Variants in PCDH15 observed in about 807,000 individuals in gnomAD.
The protein encoded by PCDH15 is protocadherin-15.
Under a neutral mutation model 178.5 loss-of-function variants are expected in PCDH15, and 129 were observed. The observed-to-expected ratio is 0.72, with a 90% CI of 0.63 to 0.84. The LOEUF (loss-of-function observed/expected upper bound fraction) is 0.84. Among genes scored for constraint, PCDH15 ranks in the 40% least tolerant of loss-of-function variants. The pLI is 0.00. For missense variants in PCDH15, 2,230 were observed against 2,099.9 expected, an observed-to-expected ratio of 1.06 and a Z score of -1.21; for synonymous variants, 800 against 732.0, an observed-to-expected ratio of 1.09 and a Z score of -1.50.
At chr10:54,864,976 T>C (rs139324784) in intron 3 of PCDH15, among the ~76,000 whole-genome samples, 77 of 152,266 alleles carry the variant, frequency 5.1e-4, no homozygotes, top group African/African-American at 1.8e-3. Flanking sequence ...ATAGAGATCA[T>C]AGGCAGCCAT....
intron 6 of PCDH15, among the ~76,000 whole-genome samples, chr10:54,337,904 T>G (rs1171751578): frequency 6.6e-6 from 1 of 152,346 alleles, no homozygotes; most frequent in Non-Finnish European, 1.5e-5. Flanking sequence ...CTGAAATGTG[T>G]CTTAGCTTGA....
At chr10:53,937,975 A>G (rs2085723157) in intron 25 of PCDH15, among the ~76,000 whole-genome samples, 1 of 152,164 alleles carries the variant, frequency 6.6e-6, no homozygotes, top group Non-Finnish European at 1.5e-5. Flanking sequence ...TAGTTAACTT[A>G]AACTGGATTA....
At chr10:54,147,832 T>C (rs1479346519) in intron 14 of PCDH15, among the ~76,000 whole-genome samples, 1 of 151,208 alleles carries the variant, frequency 6.6e-6, no homozygotes, top group East Asian at 2.1e-4. Flanking sequence ...CTACAAAGAT[T>C]ATAGATATGA....
At position 55,503,944 on chromosome 10, in the gene PCDH15, A is replaced by C. The variant is rs542092878; in HGVS notation, c.-156+123681T>G. 2.0e-5 allele frequency among the ~76,000 whole-genome samples: 3 copies of C among 151,496 alleles called. No individual in the cohort carries two copies. The East Asian group carries it at 5.8e-4, about 29-fold the overall frequency. Reference sequence around the variant, plus strand: ...CCAATCTGAGAAGGCTACATACTCTATGATTCCAACTGTGTGACTTCTAGA... The same window carrying C: ...CCAATCTGAGAAGGCTACATACTCTCTGATTCCAACTGTGTGACTTCTAGA... On this transcript the variant is annotated intron_variant, in intron 2 of 5. Coordinates refer to the PCDH15 transcript ENST00000613346.
chr10:54,802,236 G>A (rs1378857284), upstream of PCDH15, among the ~76,000 whole-genome samples: 2 of 152,106 alleles, frequency 1.3e-5, no homozygotes, highest in Non-Finnish European at 2.9e-5. Context: ...CTCCAGAAAT[G>A]TTGCCGTATT....
intron 2 of PCDH15, among the ~76,000 whole-genome samples, chr10:54,536,997 C>CTTTTTT (rs747880795): frequency 0.02 from 1,830 of 92,058 alleles, 41 homozygotes; most frequent in East Asian, 0.027. Flanking sequence ...AATTTGTTTC[C>CTTTTTT]TTTTTTTTTT....
In PCDH15 at chr10:54,079,376, A is replaced by G. The variant is rs769742711; in HGVS notation, c.2046T>C (p.Asp682=). ...AAGCTGTGATGATCAGAATGTAGCG[A>G]TCAGTGCTTTCCCTGTCCAGTGCTT... ...LGKALDREST[D]RYILIITASD... The change falls in exon 17 of 38, where the codon GAT becomes GAC. Residue 682 remains aspartate (D), a synonymous_variant. Coordinates refer to ENST00000644397, the MANE Select transcript of PCDH15 (RefSeq NM_001384140.1). 4.3e-6 allele frequency: 7 copies of G among 1,614,122 alleles called. No individual in the cohort carries two copies. The highest frequency in any genetic ancestry group is 1.6e-4 in the Middle Eastern group (1 of 6,062).
intron 20 of PCDH15, among the ~76,000 whole-genome samples, chr10:54,010,024 T>C (rs966616355): frequency 3.3e-5 from 5 of 152,174 alleles, no homozygotes; most frequent in Non-Finnish European, 5.9e-5. Flanking sequence ...GCAGGCCTCA[T>C]CTCAGCTGCA....
chr10:54,128,550 T>G (rs2042167544), intron 15 of PCDH15, among the ~76,000 whole-genome samples: 1 of 152,200 alleles, frequency 6.6e-6, no homozygotes, highest in Admixed American at 6.5e-5. Context: ...CTTTGGGATT[T>G]TCTTCTCTCA....
chr10:54,856,280 G>T (rs1953741015), intron 3 of PCDH15, among the ~76,000 whole-genome samples: 1 of 152,144 alleles, frequency 6.6e-6, no homozygotes, highest in Non-Finnish European at 1.5e-5. Flanking sequence ...AGATATGAGG[G>T]TATGGGGCAG....
chr10:54,655,280 GAGAGAGAGAGAGAGAGAGAGAGAC>G (rs1190074370), intron 2 of PCDH15, among the ~76,000 whole-genome samples: 28 of 125,442 alleles, frequency 2.2e-4, no homozygotes, highest in Non-Finnish European at 3.3e-4. Flanking sequence ...GAGAGAGAGA[GAGAGAGAGAGAGAGAGAGAGAGAC>G]AGAGAGAGAG....
At chr10:53,949,726 A>G (rs2086860931) in intron 23 of PCDH15, among the ~76,000 whole-genome samples, 1 of 148,890 alleles carries the variant, frequency 6.7e-6, no homozygotes, top group Non-Finnish European at 1.5e-5. Flanking sequence ...CTTGTCTCTA[A>G]AAAGAAAAAA....
At chr10:53,930,358 T>C (rs1189229177) in intron 25 of PCDH15, among the ~76,000 whole-genome samples, 1 of 140,550 alleles carries the variant, frequency 7.1e-6, no homozygotes, top group Non-Finnish European at 1.5e-5. Flanking sequence ...CTCGGGAGGC[T>C]GAGGCAGGAG....
intron 3 of PCDH15, among the ~76,000 whole-genome samples, chr10:54,484,857 G>A (rs998953676): frequency 1.3e-5 from 2 of 151,858 alleles, no homozygotes; most frequent in Non-Finnish European, 2.9e-5. Flanking sequence ...ATGAACATGT[G>A]TATAGAGCCT....
At chr10:54,169,762 C>G (rs561502610) in intron 13 of PCDH15, among the ~76,000 whole-genome samples, 19 of 152,128 alleles carry the variant, frequency 1.2e-4, no homozygotes, top group African/African-American at 3.9e-4. Flanking sequence ...CCGCAGCACG[C>G]TTTAAAAAGA....
At chr10:54,179,594 A>G (rs2047784469) in intron 13 of PCDH15, among the ~76,000 whole-genome samples, 1 of 152,144 alleles carries the variant, frequency 6.6e-6, no homozygotes, top group African/African-American at 2.4e-5. Context: ...ATTTAAAAAA[A>G]AAGAAGTACA....
intron 1 of PCDH15, among the ~76,000 whole-genome samples, chr10:55,214,086 G>A (rs1312080274): frequency 6.6e-6 from 1 of 151,732 alleles, no homozygotes; most frequent in African/African-American, 2.4e-5. Context: ...TTGATTTCTA[G>A]CTTAAGTGCA....
intron 8 of PCDH15, among the ~76,000 whole-genome samples, chr10:54,257,638 G>C (rs540221216): frequency 2.0e-5 from 3 of 151,916 alleles, no homozygotes; most frequent in South Asian, 2.1e-4. Flanking sequence ...CTTGCTGAAG[G>C]CATCATAGAT....
chr10:53,849,064 C>T (rs12268247), intron 28 of PCDH15, among the ~76,000 whole-genome samples: 35,516 of 151,910 alleles, frequency 0.23, 5,582 homozygotes, highest in East Asian at 0.75. Flanking sequence ...AAAATGTCCT[C>T]AATGTTCATT....
Sources: gnomAD v4.1 joint callset for allele counts (sites outside exome capture counted in the v4.1 genomes callset) on GRCh38, gnomAD v4.1.1 for gene constraint, MANE v1.5 for transcripts, NCBI Gene and HGNC (gene_info 2026-07-23, HGNC 2026-07-21) for gene names.